The following TRPM4 variants were observed in gnomAD, a reference collection of about 807,000 sequenced individuals.
TRPM4 encodes transient receptor potential cation channel subfamily M member 4.
TRPM4 carries 124 observed loss-of-function variants against 135.6 expected under a neutral mutation model. The observed-to-expected ratio is 0.91, with a 90% CI of 0.79 to 1.06. TRPM4 has a LOEUF of 1.06. Among genes scored for constraint, TRPM4 ranks in the 50% least tolerant of loss-of-function variants. TRPM4 has a pLI of 0.00. For synonymous variants in TRPM4, 745 were observed against 705.6 expected, an observed-to-expected ratio of 1.06 and a Z score of -0.88; for missense variants, 1,658 against 1,671.4, an observed-to-expected ratio of 0.99 and a Z score of 0.14.
In TRPM4 at chr19:49,168,357, G is replaced by C. The variant is rs761273055; in HGVS notation, c.546G>C (p.Lys182Asn). ...DHQMASTGGT[K>N]VVAMGVAPWG... ...AGATGGCCAGCACTGGGGGCACCAA[G>C]GTGGTGGCCATGGGTGTGGCCCCCT... Residue 182 changes from lysine to asparagine, a missense_variant, in exon 5 of 25, where the codon AAG becomes AAC. Coordinates refer to ENST00000252826, the MANE Select transcript of TRPM4 (RefSeq NM_017636.4). 6.2e-7 allele frequency: 1 copy of C among 1,614,136 alleles called. No individual in the cohort carries two copies. The highest frequency in any genetic ancestry group is 1.7e-5 in the Admixed American group (1 of 60,030).
chr19:49,179,189 G>T (rs911562204), intron 9 of TRPM4, among the ~76,000 whole-genome samples: 5 of 151,756 alleles, frequency 3.3e-5, no homozygotes, highest in African/African-American at 1.2e-4. Context: ...CCAAGTAGCT[G>T]GGATTACAGG....
intron 12 of TRPM4, among the ~76,000 whole-genome samples, chr19:49,183,536 A>G (rs1223583606): frequency 6.6e-6 from 1 of 151,868 alleles, no homozygotes; most frequent in Non-Finnish European, 1.5e-5. Flanking sequence ...AGCTGGGATT[A>G]CAGGCACCTG....
At chr19:49,173,440 T>C (rs529549104) in intron 9 of TRPM4, among the ~76,000 whole-genome samples, 4 of 152,220 alleles carry the variant, frequency 2.6e-5, no homozygotes, top group African/African-American at 4.8e-5. Context: ...CATTCATCCA[T>C]CCAACTGTTC....
chr19:49,197,370 CTT>C (rs1317460253), intron 17 of TRPM4, among the ~76,000 whole-genome samples: 13 of 116,874 alleles, frequency 1.1e-4, no homozygotes, highest in South Asian at 7.9e-4. Flanking sequence ...CTTTCTCTCT[CTT>C]TCTTTTCTTT....
chr19:49,186,767 G>A (rs1357824772), intron 12 of TRPM4, among the ~76,000 whole-genome samples: 1 of 152,026 alleles, frequency 6.6e-6, no homozygotes, highest in Non-Finnish European at 1.5e-5. Flanking sequence ...CAGCTACTCG[G>A]GAGGCTGAGG....
intron 10 of TRPM4, 136 bp downstream of exon 10, chr19:49,181,597 T>C: frequency 1.5e-6 from 1 of 649,904 alleles, no homozygotes; most frequent in East Asian, 2.8e-5. Flanking sequence ...AGAGGTGTGA[T>C]CCCAGCTCAC....
rs921128397 is a variant in TRPM4 at position 49,200,603 on chromosome 19, C to T, written c.2779-8C>T. On this transcript the variant is annotated splice_polypyrimidine_tract_variant and splice_region_variant and intron_variant, in intron 18 of 24. Coordinates refer to ENST00000252826, the MANE Select transcript of TRPM4 (RefSeq NM_017636.4). ...GGCGGGGCCAGACTCAGCCACATCT[C>T]CCCACAGATGAAGGACGTGTTCTTC... The T allele has an allele frequency of 1.2e-6, 2 of 1,611,844 alleles. No homozygotes were observed. Among genetic ancestry groups the T allele is most frequent in the African/African-American group, 2.7e-5 (2 of 74,882 alleles).
At chr19:49,163,199 T>TA (rs1555750154) in intron 2 of TRPM4, among the ~76,000 whole-genome samples, 5 of 17,780 alleles carry the variant, frequency 2.8e-4, no homozygotes, top group Admixed American at 2.1e-3. Context: ...ATTATTATTA[T>TA]TTTTTTTTTT....
At chr19:49,178,066 C>T (rs1320003992) in intron 9 of TRPM4, among the ~76,000 whole-genome samples, 1 of 152,134 alleles carries the variant, frequency 6.6e-6, no homozygotes, top group Non-Finnish European at 1.5e-5. Context: ...CGTGAAGGCT[C>T]ATGCCTATTA....
In TRPM4 at chr19:49,182,803, G is replaced by A; in HGVS notation, c.1489G>A (p.Glu497Lys). The change falls in exon 11 of 25, where the codon GAG (glutamate) becomes AAG (lysine). Residue 497 changes from glutamate (E) to lysine (K), a missense_variant. Transcript: ENST00000252826. ...KAPALKGGAA[E>K]LRPPDVGHVL... ...CCCAGCCCTAAAAGGGGGAGCTGCG[G>A]AGCTCCGGCCCCCTGACGTGGGGCA... 4.4e-6 allele frequency: 7 copies of A among 1,577,662 alleles called. No homozygotes were observed. The highest frequency in any genetic ancestry group is 6.1e-6 in the Non-Finnish European group (7 of 1,148,836).
intron 3 of TRPM4, among the ~76,000 whole-genome samples, 166 bp downstream of exon 3, chr19:49,166,381 G>C (rs577966309): frequency 2.0e-5 from 3 of 152,006 alleles, no homozygotes; most frequent in African/African-American, 7.3e-5. Context: ...AGGGGGTCCC[G>C]TTCTCTCTGC....
chr19:49,194,645 C>T lies in TRPM4; in HGVS notation c.2211-1795C>T, dbSNP rs545712378. On this transcript the variant is annotated intron_variant, in intron 16 of 24. Transcript: ENST00000252826. The stretch of plus-strand genomic sequence containing the variant: ...TTTCTTTCCTTCCCTTTCTTTCTCT[C>T]TCTCTTTCTCTCTCTGTCCCTCCCT... Among the ~76,000 whole-genome samples, 26 of 94,132 alleles carry T rather than the reference C, an allele frequency of 2.8e-4. No homozygotes were observed. The East Asian group carries it at 6.6e-3, about 24-fold the overall frequency. The allele number at this position is 94,132 out of a possible 152,430, so 61.8% of individuals were successfully genotyped here.
At chr19:49,201,547 G>A (rs1226781236) in intron 19 of TRPM4, among the ~76,000 whole-genome samples, 2 of 152,180 alleles carry the variant, frequency 1.3e-5, no homozygotes, top group East Asian at 3.8e-4. Flanking sequence ...GTTTCTAAGA[G>A]AAGTTACTAT....
intron 17 of TRPM4, among the ~76,000 whole-genome samples, chr19:49,198,155 C>A (rs1968768525): frequency 6.6e-6 from 1 of 152,092 alleles, no homozygotes. Flanking sequence ...ATAATTTATT[C>A]AAGCAGGGAG....
chr19:49,182,960 G>A (rs1315304785), intron 11 of TRPM4, 38 bp downstream of exon 11: 1 of 1,585,578 alleles, frequency 6.3e-7, no homozygotes, highest in Non-Finnish European at 8.6e-7. Context: ...CCCCCGCGCG[G>A]GAAGGACCTG....
chr19:49,171,592 CA>C lies in TRPM4; in HGVS notation c.874del (p.Thr292ProfsTer64). ...EKMLTRIENA[T>X]QAQLPCLLVA... The stretch of plus-strand genomic sequence containing the variant: ...TTATCCTGTAGCGAATAGAGAACGC[CA>C]CCCAGGCTCAGCTCCCATGTCTCCT... On this transcript the variant is annotated frameshift_variant, in exon 8 of 25. Transcript: ENST00000252826. LOFTEE classifies it high-confidence loss of function. The surrounding 1 kb of genome is among the most constrained non-coding windows in gnomAD (Gnocchi z 4.7). The C allele has an allele frequency of 6.2e-7, 1 of 1,614,042 alleles. No homozygotes were observed. The highest frequency in any genetic ancestry group is 8.5e-7 in the Non-Finnish European group (1 of 1,180,024).
At chr19:49,169,404 A>C (rs144229065) in intron 6 of TRPM4, among the ~76,000 whole-genome samples, 1,388 of 75,968 alleles carry the variant, frequency 0.018, 3 homozygotes, top group South Asian at 0.029. Context: ...CCTGCCTCAG[A>C]CTCCTGAGTA....
At position 49,168,291 on chromosome 19, in the gene TRPM4, G is replaced by C. The variant is rs758100348; in HGVS notation, c.480G>C (p.Thr160=). The C allele has an allele frequency of 3.1e-6, 5 of 1,614,078 alleles. No homozygotes were observed. Among genetic ancestry groups the C allele is most frequent in the South Asian group, 1.1e-5 (1 of 91,090 alleles). ...GGATTGTCACTGGGGGTCTGCACACGGGCATCGGCCGGCATGTTGGTGTGG... is the reference window on the plus strand; with the variant it reads ...GGATTGTCACTGGGGGTCTGCACACCGGCATCGGCCGGCATGTTGGTGTGG... ...GAWIVTGGLH[T]GIGRHVGVAV... is the part of the protein sequence containing the mutation. Residue 160 remains threonine (T), a synonymous_variant, in exon 5 of 25, where the codon ACG becomes ACC. Coordinates refer to ENST00000252826, the MANE Select transcript of TRPM4 (RefSeq NM_017636.4).
In TRPM4 at chr19:49,166,131, G is replaced by C; in HGVS notation, c.183G>C (p.Trp61Cys). 1 of 1,607,132 alleles carries C rather than the reference G, an allele frequency of 6.2e-7. No individual in the cohort carries two copies. Among genetic ancestry groups the C allele is most frequent in the Non-Finnish European group, 8.5e-7 (1 of 1,177,780 alleles). The part of the protein sequence containing the change: ...DAFGAAVVTV[W>C]DSDAHTTEKP... ...TCGGGGCAGCCGTGGTGACCGTGTG[G>C]GACAGCGATGCACACACCACGGAGA... is the stretch of plus-strand genomic sequence containing the variant. Residue 61 changes from tryptophan (W) to cysteine (C), a missense_variant, in exon 3 of 25, where the codon TGG (tryptophan) becomes TGC (cysteine). This residue lies in a region of TRPM4 where 239 missense variants were observed against 240.1 expected (regional missense o/e 1.00). Transcript: ENST00000252826.
Sources: gnomAD v4.1 joint callset for allele counts (sites outside exome capture counted in the v4.1 genomes callset) on GRCh38, gnomAD v4.1.1 for gene constraint, gnomAD v4.1.1 regional missense constraint, Gnocchi (gnomAD v3.1) non-coding constraint, MANE v1.5 for transcripts, NCBI Gene and HGNC (gene_info 2026-07-23, HGNC 2026-07-21) for gene names.